Variants in TAS2R1 observed in about 807,000 individuals in gnomAD.
TAS2R1 encodes the protein taste 2 receptor member 1, also known as taste receptor type 2 member 1.
For synonymous variants in TAS2R1, 141 were observed against 134.2 expected (o/e 1.05, Z -0.35); for missense variants, 370 against 353.4 (o/e 1.05, Z -0.38).
the TAS2R1 span, among the ~76,000 whole-genome samples, chr5:9,732,110 T>A: frequency 6.6e-6 from 1 of 152,240 alleles, no homozygotes; most frequent in African/African-American, 2.4e-5. Context: ...AGCAAAGACC[T>A]CCTGAAGCAA....
intron 1 of TAS2R1, among the ~76,000 whole-genome samples, chr5:9,710,939 T>TTA (rs1446652673): frequency 7.6e-5 from 11 of 144,844 alleles, no homozygotes; most frequent in African/African-American, 2.8e-4. Flanking sequence ...ATATAATATA[T>TTA]TATATATAAT....
chr5:9,853,774 A>G, the TAS2R1 span, among the ~76,000 whole-genome samples: 2 of 152,176 alleles, frequency 1.3e-5, no homozygotes, highest in Admixed American at 6.5e-5. Context: ...GGGAATGGGC[A>G]TAAAAGAGAT....
the TAS2R1 span, among the ~76,000 whole-genome samples, chr5:9,835,742 C>T: frequency 6.6e-6 from 1 of 152,154 alleles, no homozygotes; most frequent in African/African-American, 2.4e-5. Context: ...CAAATCCCTG[C>T]TGGGCCCCTC....
chr5:9,645,045 T>C (rs1484432125), intron 2 of TAS2R1, among the ~76,000 whole-genome samples: 1 of 152,204 alleles, frequency 6.6e-6, no homozygotes, highest in Non-Finnish European at 1.5e-5. Context: ...TAAGCTTTTC[T>C]TATTTCTATG....
chr5:9,854,338 A>G, the TAS2R1 span: 5 of 152,044 alleles, frequency 3.3e-5, no homozygotes, highest in Middle Eastern at 3.4e-3. Flanking sequence ...CATATTAACT[A>G]ATTACATCTA....
the TAS2R1 span, among the ~76,000 whole-genome samples, chr5:9,813,928 C>T: frequency 1.3e-5 from 2 of 152,120 alleles, no homozygotes; most frequent in Admixed American, 6.6e-5. Context: ...GAATCTCTTC[C>T]AAGATTTTTC....
the TAS2R1 span, among the ~76,000 whole-genome samples, chr5:9,865,920 T>C: frequency 5.3e-5 from 8 of 152,224 alleles, no homozygotes; most frequent in Non-Finnish European, 1.5e-5. Context: ...AGGCCATGAT[T>C]TTGAGTCTTA....
the TAS2R1 span, among the ~76,000 whole-genome samples, chr5:9,757,846 C>T: frequency 2.6e-5 from 4 of 152,014 alleles, no homozygotes; most frequent in Non-Finnish European, 5.9e-5. Context: ...CTTTAAAACT[C>T]TGTAGGAGTA....
At chr5:9,752,705 C>T in the TAS2R1 span, among the ~76,000 whole-genome samples, 1 of 151,928 alleles carries the variant, frequency 6.6e-6, no homozygotes, top group African/African-American at 2.4e-5. Flanking sequence ...CCCTTCCCCC[C>T]ACCCCACAAT....
chr5:9,753,107 C>G, the TAS2R1 span, among the ~76,000 whole-genome samples: 1 of 152,248 alleles, frequency 6.6e-6, no homozygotes, highest in Admixed American at 6.5e-5. Context: ...AGTTCTAGAT[C>G]CCTGAAGAAT....
At chr5:9,662,392 T>C (rs1740554200) in intron 1 of TAS2R1, among the ~76,000 whole-genome samples, 1 of 152,218 alleles carries the variant, frequency 6.6e-6, no homozygotes, top group Non-Finnish European at 1.5e-5. Context: ...TGGATGATTC[T>C]GCCACGCAGA....
the TAS2R1 span, among the ~76,000 whole-genome samples, chr5:9,789,855 G>T: frequency 6.6e-6 from 1 of 152,160 alleles, no homozygotes; most frequent in African/African-American, 2.4e-5. Context: ...CAAGTATATT[G>T]CAACAAGTAT....
At chr5:9,663,480 A>G (rs1740575525) in intron 1 of TAS2R1, among the ~76,000 whole-genome samples, 1 of 152,170 alleles carries the variant, frequency 6.6e-6, no homozygotes, top group African/African-American at 2.4e-5. Flanking sequence ...TTCTTCTAAG[A>G]AGAAGTTTTT....
At chr5:9,791,420 C>T in the TAS2R1 span, among the ~76,000 whole-genome samples, 3 of 152,156 alleles carry the variant, frequency 2.0e-5, no homozygotes, top group South Asian at 2.1e-4. Context: ...GAAACCGGAC[C>T]GGGTGCAGTG....
At chr5:9,747,935 GGTCTAGCCCAGGGATTAGGGGATGT>G in the TAS2R1 span, among the ~76,000 whole-genome samples, 4 of 151,916 alleles carry the variant, frequency 2.6e-5, no homozygotes, top group African/African-American at 9.7e-5. Context: ...AGCTGGGATG[GGTCTAGCCCAGGGATTAGGGGATGT>G]GTTATGGATA....
At chr5:9,745,233 A>G in the TAS2R1 span, among the ~76,000 whole-genome samples, 35 of 152,282 alleles carry the variant, frequency 2.3e-4, 1 homozygote, top group African/African-American at 7.5e-4. Context: ...AACTGGAGGA[A>G]AAAGAGGGAG....
the TAS2R1 span, among the ~76,000 whole-genome samples, chr5:9,732,297 G>A: frequency 6.6e-6 from 1 of 152,188 alleles, no homozygotes; most frequent in Non-Finnish European, 1.5e-5. Context: ...GAAGGAAATA[G>A]TGGTTGATAA....
chr5:9,654,227 T>G (rs746791796), intron 2 of TAS2R1, among the ~76,000 whole-genome samples: 5 of 152,164 alleles, frequency 3.3e-5, no homozygotes, highest in Non-Finnish European at 5.9e-5. Context: ...GAAAAACTCT[T>G]CCTGCATTCT....
chr5:9,776,953 CAT>C, the TAS2R1 span, among the ~76,000 whole-genome samples: 8 of 152,302 alleles, frequency 5.3e-5, no homozygotes, highest in Admixed American at 2.6e-4. Flanking sequence ...TGTGCAATAA[CAT>C]ATGTTTAAAA....
Sources: allele counts gnomAD v4.1 joint callset (sites outside exome capture counted in the v4.1 genomes callset), GRCh38; gene constraint gnomAD v4.1.1; transcripts MANE v1.5; gene names NCBI Gene and HGNC (gene_info 2026-07-23, HGNC 2026-07-21).